Variants in CCNB1IP1 observed in about 807,000 individuals in gnomAD.
CCNB1IP1 encodes E3 ubiquitin-protein ligase CCNB1IP1.
In CCNB1IP1, 14 loss-of-function variants were observed where a neutral mutation model predicts 25.6. The ratio of observed to expected loss-of-function variants is 0.55; its 90% CI spans 0.36 to 0.85. The LOEUF (loss-of-function observed/expected upper bound fraction) is 0.85. Ranked by LOEUF, CCNB1IP1 falls within the 40% of genes least tolerant of loss-of-function variation. CCNB1IP1 has a pLI of 0.01. For missense variants in CCNB1IP1, 278 were observed against 342.4 expected, an observed-to-expected ratio of 0.81 and a Z score of 1.48; for synonymous variants, 119 against 116.1, an observed-to-expected ratio of 1.02 and a Z score of -0.16.
chr14:20,327,595 T>G (rs1329218233), intron 2 of CCNB1IP1, among the ~76,000 whole-genome samples: 1 of 150,992 alleles, frequency 6.6e-6, no homozygotes, highest in Non-Finnish European at 1.5e-5. Flanking sequence ...TTCCCTACTC[T>G]TCACCTAATT....
chr14:20,317,239 T>C (rs568056318), intron 4 of CCNB1IP1, among the ~76,000 whole-genome samples: 74 of 151,594 alleles, frequency 4.9e-4, no homozygotes, highest in Non-Finnish European at 8.7e-4. Context: ...ATCCCATCTC[T>C]ACTAAAAATA....
At chr14:20,322,618 T>C (rs957263859) in intron 4 of CCNB1IP1, among the ~76,000 whole-genome samples, 1 of 141,446 alleles carries the variant, frequency 7.1e-6, no homozygotes, top group African/African-American at 2.7e-5. Context: ...TATATATATA[T>C]ATAATTTTTT....
chr14:20,326,641 C>CA, intron 3 of CCNB1IP1, 75 bp downstream of exon 3: 1 of 386,164 alleles, frequency 2.6e-6, no homozygotes. Flanking sequence ...CCACTAATAA[C>CA]ACCGAGTCCC....
chr14:20,326,374 A>C lies in CCNB1IP1; in HGVS notation c.-153+342T>G, dbSNP rs919942266. ...CATAATTTATTAAGATTTAAGAATT[A>C]CCTGGGATTACAGACTAAATCCCAG... On this transcript the variant is annotated intron_variant, in intron 3 of 6. Transcript: ENST00000358932. 1.6e-5 allele frequency: 7 copies of C among 444,028 alleles called. No homozygotes were observed. In the Admixed American group the frequency reaches 1.6e-4, roughly 10 times the overall value. The allele number at this position is 444,028 out of a possible 1,614,324, so 27.5% of individuals were successfully genotyped here. A position where few individuals can be genotyped will look rare whatever the true frequency, so the allele number is the denominator to read the frequency against.
chr14:20,315,945 A>G (rs1882677035), intron 5 of CCNB1IP1: 1 of 448,868 alleles, frequency 2.2e-6, no homozygotes, highest in Non-Finnish European at 4.0e-6. Flanking sequence ...TGTGTGTGTT[A>G]TCTTACTTTT....
rs139232622 is a variant in CCNB1IP1 at position 20,319,400 on chromosome 14, G to T, written c.-37-2840C>A. ...TACTCCCTAACATCTGTTTTTGGCT[G>T]TTTGAGCCTTCTGTGTGAATTCTGG... On this transcript the variant is annotated intron_variant, in intron 4 of 6. Coordinates refer to ENST00000358932, the MANE Select transcript of CCNB1IP1 (RefSeq NM_021178.5). Among the ~76,000 whole-genome samples the T allele has an allele frequency of 2.6e-3, 395 of 152,256 alleles. 3 individuals carry two copies. Among genetic ancestry groups the T allele is most frequent in the African/African-American group, 9.0e-3 (374 of 41,542 alleles).
At chr14:20,326,976 G>C (rs1171974034) in intron 2 of CCNB1IP1, among the ~76,000 whole-genome samples, 183 bp from the exon 3 acceptor site, 1 of 151,964 alleles carries the variant, frequency 6.6e-6, no homozygotes, top group African/African-American at 2.4e-5. Context: ...AAATGCCCAA[G>C]CTCAATATCA....
chr14:20,326,263 C>G (rs1439315735), intron 3 of CCNB1IP1, among the ~76,000 whole-genome samples: 1 of 152,040 alleles, frequency 6.6e-6, no homozygotes, highest in Non-Finnish European at 1.5e-5. Context: ...GATTCCTGAC[C>G]CTAGTTCTAA....
intron 4 of CCNB1IP1, among the ~76,000 whole-genome samples, chr14:20,321,021 C>G (rs1273029214): frequency 6.6e-6 from 1 of 151,448 alleles, no homozygotes. Flanking sequence ...GCCTGTAATC[C>G]CAGCTACTCA....
At chr14:20,331,350 G>T (rs1359159788) in intron 1 of CCNB1IP1, among the ~76,000 whole-genome samples, 1 of 152,148 alleles carries the variant, frequency 6.6e-6, no homozygotes, top group Non-Finnish European at 1.5e-5. Context: ...TCAAACCAAA[G>T]TGGGCAAAGA....
intron 4 of CCNB1IP1, among the ~76,000 whole-genome samples, chr14:20,322,696 TAC>T (rs1882935183): frequency 6.6e-6 from 1 of 151,428 alleles, no homozygotes; most frequent in Non-Finnish European, 1.5e-5. Context: ...AATCGCGGCT[TAC>T]TACAATCTCC....
intron 4 of CCNB1IP1, among the ~76,000 whole-genome samples, chr14:20,324,438 C>T (rs1258351879): frequency 6.6e-6 from 1 of 152,064 alleles, no homozygotes; most frequent in Admixed American, 6.6e-5. Flanking sequence ...CTGCCCACCT[C>T]GCCTCCCAAA....
chr14:20,318,989 T>C (rs942759604), intron 4 of CCNB1IP1: 21 of 152,346 alleles, frequency 1.4e-4, no homozygotes, highest in African/African-American at 4.8e-4. Context: ...TTTCAAACTA[T>C]TGACCTCCAG....
rs1209946567 is a variant in CCNB1IP1 at position 20,316,502 on chromosome 14, G to A, written c.22C>T (p.Leu8=). 7.5e-6 allele frequency: 12 copies of A among 1,608,612 alleles called. No individual in the cohort carries two copies. Among genetic ancestry groups the A allele is most frequent in the Non-Finnish European group, 1.0e-5 (12 of 1,179,778 alleles). The change falls in exon 5 of 7, where the codon CTG becomes TTG. Residue 8 remains leucine, a synonymous_variant. Transcript: ENST00000358932. ...CGACACTTTCGATAATTACAAAGCA[G>A]CATGTCTTCACACAAAGACATAATA... MSLCEDM[L]LCNYRKCRIK... is the part of the protein sequence containing the mutation.
At chr14:20,311,793 G>T in intron 6 of CCNB1IP1, 41 bp from the exon 7 acceptor site, 1 of 1,353,868 alleles carries the variant, frequency 7.4e-7, no homozygotes, top group Non-Finnish European at 1.1e-6. Flanking sequence ...TTATTCATTT[G>T]TTATCTATAT....
chr14:20,319,376 A>ACTCC (rs1249741455), intron 4 of CCNB1IP1, among the ~76,000 whole-genome samples: 1 of 152,076 alleles, frequency 6.6e-6, no homozygotes, highest in African/African-American at 2.4e-5. Context: ...TGAACCATAT[A>ACTCC]CTCCCTAACA....
chr14:20,315,576 A>G lies in CCNB1IP1; in HGVS notation c.297+651T>C, dbSNP rs904435356. Reference sequence around the variant, plus strand: ...GTAAGATATAACAATACATTCAAGGACATGCTTAAAGTCATCCACAGGGAG... The same window carrying G: ...GTAAGATATAACAATACATTCAAGGGCATGCTTAAAGTCATCCACAGGGAG... On this transcript the variant is annotated intron_variant, in intron 5 of 6. Transcript: ENST00000358932. 17 of 1,278,204 alleles carry G rather than the reference A, an allele frequency of 1.3e-5. No homozygotes were observed. In the African/African-American group the frequency reaches 2.5e-4, roughly 18 times the overall value. 79.2% of individuals were successfully genotyped at this position (1,278,204 alleles called of 1,614,324 possible). A position where few individuals can be genotyped will look rare whatever the true frequency, so the allele number is the denominator to read the frequency against.
At chr14:20,320,143 G>C (rs1051914674) in intron 4 of CCNB1IP1, 29 of 301,812 alleles carry the variant, frequency 9.6e-5, no homozygotes, top group South Asian at 7.1e-4. Context: ...TTGAATTTTA[G>C]TGTACACAAA....
intron 1 of CCNB1IP1, among the ~76,000 whole-genome samples, chr14:20,330,124 A>AC (rs1422776693): frequency 1.3e-5 from 2 of 149,580 alleles, no homozygotes; most frequent in African/African-American, 5.0e-5. Flanking sequence ...AAAAACAAAA[A>AC]ACATGTCCTT....
Sources: gnomAD v4.1 joint callset for allele counts (sites outside exome capture counted in the v4.1 genomes callset) on GRCh38, gnomAD v4.1.1 for gene constraint, MANE v1.5 for transcripts, NCBI Gene and HGNC (gene_info 2026-07-23, HGNC 2026-07-21) for gene names.